The following BEND3 variants were observed in gnomAD, a reference collection of about 807,000 sequenced individuals.
BEND3 encodes BEN domain-containing protein 3.
In BEND3, 13 loss-of-function variants were observed where a neutral mutation model predicts 60.1. The ratio of observed to expected loss-of-function variants is 0.22; its 90% CI spans 0.14 to 0.34. BEND3 has a LOEUF of 0.34. BEND3 is among the 10% of genes least tolerant of loss of function. BEND3 has a pLI of 1.00. For synonymous variants in BEND3, 497 were observed against 491.5 expected (o/e 1.01, Z -0.15); for missense variants, 896 against 1,138.1 (o/e 0.79, Z 3.06).
At chr6:107,091,023 T>C (rs1383256089) in intron 3 of BEND3, among the ~76,000 whole-genome samples, 3 of 151,914 alleles carry the variant, frequency 2.0e-5, no homozygotes, top group Admixed American at 6.6e-5. Context: ...GGCAGGATAA[T>C]TGCTTGAACC....
At chr6:107,110,107 A>C (rs1182414308) in intron 1 of BEND3, among the ~76,000 whole-genome samples, 2 of 152,050 alleles carry the variant, frequency 1.3e-5, no homozygotes, top group African/African-American at 4.8e-5. Context: ...GCTCAGGCGG[A>C]AGCATTGCTT....
At chr6:107,108,977 G>A (rs1408843424) in intron 1 of BEND3, among the ~76,000 whole-genome samples, 1 of 151,668 alleles carries the variant, frequency 6.6e-6, no homozygotes, top group Non-Finnish European at 1.5e-5. Context: ...GCTAATTTTT[G>A]TATTTTTCAC....
chr6:107,070,876 G>T lies in BEND3; in HGVS notation c.315C>A (p.Gly105=). The change falls in exon 4 of 4, where the codon GGC becomes GGA. Residue 105 remains glycine, a synonymous_variant. Coordinates refer to ENST00000369042, the MANE Select transcript of BEND3 (RefSeq NM_001367314.1). The surrounding 1 kb of genome is among the most constrained non-coding windows in gnomAD (Gnocchi z 6.9). ...CAGGCCACACATTGCCCAGGCTCCT[G>T]CCCCTGCCGGCCTGCTCACCATTGC... ...CQGNGEQAGR[G]RSLGNVWPGE... is the part of the protein sequence containing the mutation. 1 of 1,613,870 alleles carries T rather than the reference G, an allele frequency of 6.2e-7. No individual in the cohort carries two copies. Among genetic ancestry groups the T allele is most frequent in the Non-Finnish European group, 8.5e-7 (1 of 1,180,024 alleles).
chr6:107,106,922 G>A (rs1345531788), intron 1 of BEND3, among the ~76,000 whole-genome samples: 1 of 145,906 alleles, frequency 6.9e-6, no homozygotes, highest in East Asian at 2.1e-4. Context: ...ACCCAGCCCA[G>A]TTTTCAAAGA....
At chr6:107,092,305 C>A (rs1775494450) in intron 3 of BEND3, among the ~76,000 whole-genome samples, 1 of 151,856 alleles carries the variant, frequency 6.6e-6, no homozygotes, top group Admixed American at 6.6e-5. Flanking sequence ...TTATCCTAGA[C>A]ATGCAAAGGG....
chr6:107,066,956 A>G lies in BEND3; in HGVS notation c.*1748T>C, dbSNP rs1554230937. On this transcript the variant is annotated 3_prime_UTR_variant, in exon 4 of 4. Transcript: ENST00000369042. ...TTAGTAAGCAGTGCGTGTGTGCATG[A>G]GTAGCTGTGTAAGACAGAGAGTCAT... 1 of 152,216 alleles carries G rather than the reference A, an allele frequency of 6.6e-6. No homozygotes were observed. The highest frequency in any genetic ancestry group is 2.4e-5 in the African/African-American group (1 of 41,446). 9.4% of individuals were successfully genotyped at this position (152,216 alleles called of 1,614,324 possible). A position where few individuals can be genotyped will look rare whatever the true frequency, so the allele number is the denominator to read the frequency against.
intron 3 of BEND3, among the ~76,000 whole-genome samples, chr6:107,090,075 G>A (rs1775442572): frequency 6.6e-6 from 1 of 152,106 alleles, no homozygotes; most frequent in African/African-American, 2.4e-5. Flanking sequence ...GAGGCCAGGT[G>A]CACTGGCTCA....
At chr6:107,081,110 G>C (rs1174278700) in intron 3 of BEND3, among the ~76,000 whole-genome samples, 1 of 151,990 alleles carries the variant, frequency 6.6e-6, no homozygotes, top group Non-Finnish European at 1.5e-5. Context: ...GTTTCGCCAT[G>C]TTGGCCAGGA....
chr6:107,069,811 A>G lies in BEND3; in HGVS notation c.1380T>C (p.Pro460=). ...IIRNYTEIYF[P]DMQEEEAWLQ... ...GCCAGGCCTCCTCCTCCTGCATGTCAGGGAAGTAGATCTCCGTGTAGTTGC... is the reference window on the plus strand; with the variant it reads ...GCCAGGCCTCCTCCTCCTGCATGTCGGGGAAGTAGATCTCCGTGTAGTTGC... The change falls in exon 4 of 4, where the codon CCT becomes CCC. Residue 460 remains proline, a synonymous_variant. Transcript: ENST00000369042. 1 of 1,613,318 alleles carries G rather than the reference A, an allele frequency of 6.2e-7. No homozygotes were observed. The highest frequency in any genetic ancestry group is 8.5e-7 in the Non-Finnish European group (1 of 1,179,930).
chr6:107,080,151 C>G (rs1238633710), intron 3 of BEND3, among the ~76,000 whole-genome samples: 1 of 151,776 alleles, frequency 6.6e-6, no homozygotes, highest in Non-Finnish European at 1.5e-5. Flanking sequence ...AATCCCGGCA[C>G]TTTCGGAGGC....
chr6:107,111,656 G>A (rs1346166723), intron 1 of BEND3, among the ~76,000 whole-genome samples: 1 of 152,088 alleles, frequency 6.6e-6, no homozygotes, highest in Non-Finnish European at 1.5e-5. Flanking sequence ...ATACAATTAG[G>A]TTAGCAACCA....
chr6:107,103,959 A>AAAG (rs1554237040), intron 1 of BEND3, among the ~76,000 whole-genome samples: 5 of 107,862 alleles, frequency 4.6e-5, no homozygotes, highest in Non-Finnish European at 5.8e-5. Flanking sequence ...AAAAAAAAAA[A>AAAG]AAAGAAAGAA....
chr6:107,094,669 G>A (rs1407632180), intron 3 of BEND3, among the ~76,000 whole-genome samples: 2 of 147,894 alleles, frequency 1.4e-5, no homozygotes, highest in Non-Finnish European at 3.0e-5. Flanking sequence ...TAAATAAAAC[G>A]AACAACAAAC....
At position 107,108,954 on chromosome 6, in the gene BEND3, G is replaced by A. The variant is rs143596933; in HGVS notation, c.-12+6136C>T. ...CGAGTAGCTGGGACAACAGTCATGT[G>A]CCACCACACCTGGCTAATTTTTGTA... On this transcript the variant is annotated intron_variant, in intron 1 of 3. Transcript: ENST00000369042. 9.6e-3 allele frequency among the ~76,000 whole-genome samples: 1,460 copies of A among 152,202 alleles called. 30 individuals are homozygous for A. Among genetic ancestry groups the A allele is most frequent in the African/African-American group, 0.034 (1,395 of 41,552 alleles).
In BEND3 at chr6:107,069,203, G is replaced by A. The variant is rs782657182; in HGVS notation, c.1988C>T (p.Pro663Leu). 14 of 1,612,474 alleles carry A rather than the reference G, an allele frequency of 8.7e-6. No homozygotes were observed. The highest frequency in any genetic ancestry group is 6.7e-5 in the Admixed American group (4 of 60,004). The change falls in exon 4 of 4, where the codon CCG (proline) becomes CTG (leucine). Residue 663 changes from proline (P) to leucine (L), a missense_variant. This residue lies in a region of BEND3 where 846 missense variants were observed against 1,036.7 expected (regional missense o/e 0.82). Transcript: ENST00000369042. ...SYQQQRKVHV[P>L]GPECRDLTSY... is the part of the protein sequence containing the mutation. ...GGTCAAGTCTCTGCACTCAGGGCCCGGCACGTGGACCTTGCGCTGCTGCTG... is the reference window on the plus strand; with the variant it reads ...GGTCAAGTCTCTGCACTCAGGGCCCAGCACGTGGACCTTGCGCTGCTGCTG...
chr6:107,069,012 G>A lies in BEND3; in HGVS notation c.2179C>T (p.Arg727Cys), dbSNP rs782275461. ...GAGAGGCTCTGCTGCACGATCTCAC[G>A]CACCTCCTTGTCAGACAGCAGGTAG... ...SPYLLSDKEVREIVQQSLSVG... is the reference protein window; with the variant it reads ...SPYLLSDKEVCEIVQQSLSVG... The change falls in exon 4 of 4, where the codon CGT becomes TGT. Residue 727 changes from arginine to cysteine, a missense_variant. By Grantham distance (180) the Arg-to-Cys change is radical. This residue lies in a region of BEND3 where 846 missense variants were observed against 1,036.7 expected (regional missense o/e 0.82). Transcript: ENST00000369042. 18 of 1,613,650 alleles carry A rather than the reference G, an allele frequency of 1.1e-5. No individual in the cohort carries two copies. Among genetic ancestry groups the A allele is most frequent in the African/African-American group, 4.0e-5 (3 of 74,926 alleles).
chr6:107,069,065 G>C lies in BEND3; in HGVS notation c.2126C>G (p.Pro709Arg). ...AGAAGGCACCGGGAAGTCAGGCGAGGGGACCACCAGCTCGTCCAAGGGGAT... is the reference window on the plus strand; with the variant it reads ...AGAAGGCACCGGGAAGTCAGGCGAGCGGACCACCAGCTCGTCCAAGGGGAT... The part of the protein sequence containing the change: ...CKIPLDELVV[P>R]SPDFPVPSPY... The change falls in exon 4 of 4, where the codon CCC (proline) becomes CGC (arginine). Residue 709 changes from proline (P) to arginine (R), a missense_variant. By Grantham distance (103) the Pro-to-Arg change is moderately radical. This residue lies in a region of BEND3 where 846 missense variants were observed against 1,036.7 expected (regional missense o/e 0.82). Transcript: ENST00000369042. The C allele has an allele frequency of 6.2e-7, 1 of 1,613,426 alleles. No individual in the cohort carries two copies. The highest frequency in any genetic ancestry group is 1.7e-5 in the Admixed American group (1 of 60,010).
At chr6:107,079,909 T>A (rs552047402) in intron 3 of BEND3, among the ~76,000 whole-genome samples, 45 of 151,736 alleles carry the variant, frequency 3.0e-4, no homozygotes, top group African/African-American at 5.3e-4. Flanking sequence ...TTTTTTTTTT[T>A]AAATAGAGAC....
chr6:107,107,662 C>G (rs1418313957), intron 1 of BEND3, among the ~76,000 whole-genome samples: 38 of 152,216 alleles, frequency 2.5e-4, no homozygotes, highest in Non-Finnish European at 1.5e-5. Context: ...GGGGTTTTAC[C>G]ATGTTGGCCA....
Sources: gnomAD v4.1 joint callset for allele counts (sites outside exome capture counted in the v4.1 genomes callset) on GRCh38, gnomAD v4.1.1 for gene constraint, gnomAD v4.1.1 regional missense constraint, Gnocchi (gnomAD v3.1) non-coding constraint, MANE v1.5 for transcripts, NCBI Gene and HGNC (gene_info 2026-07-23, HGNC 2026-07-21) for gene names.